MROH9: variants seen among roughly 807,000 people sequenced by gnomAD.
The protein encoded by MROH9 is maestro heat like repeat family member 9, also known as maestro heat-like repeat-containing protein family member 9.
In MROH9, 92 loss-of-function variants were observed where a neutral mutation model predicts 98.2. The observed-to-expected ratio is 0.94, with a 90% confidence interval of 0.79 to 1.11. MROH9 has a LOEUF of 1.11. Among genes scored for constraint, MROH9 ranks in the 50% most tolerant of loss-of-function variants. MROH9 has a pLI of 0.00. For synonymous variants in MROH9, 397 were observed against 368.9 expected (o/e 1.08, Z -0.87); for missense variants, 1,057 against 1,014.8 (o/e 1.04, Z -0.57).
At chr1:171,023,470 A>G (rs1043143965) in intron 17 of MROH9, among the ~76,000 whole-genome samples, 9 of 152,164 alleles carry the variant, frequency 5.9e-5, no homozygotes, top group Non-Finnish European at 8.8e-5. Context: ...CAAGTTATAC[A>G]TACTATTTCA....
intron 12 of MROH9, among the ~76,000 whole-genome samples, chr1:170,992,723 T>C (rs1254767388): frequency 6.6e-6 from 1 of 152,170 alleles, no homozygotes; most frequent in Non-Finnish European, 1.5e-5. Flanking sequence ...TAGAGAGTTC[T>C]AGACTGAGAG....
chr1:170,986,623 ACT>A lies in MROH9; in HGVS notation c.797_798del (p.Ser266PhefsTer3), dbSNP rs745329125. On this transcript the variant is annotated frameshift_variant, in exon 10 of 22. Transcript: ENST00000367759. LOFTEE classifies it high-confidence loss of function. ...ACTTTGTGCAGAGTCTCCTGATGAA[ACT>A]CTCTTCACCTGATGATAAAATCGCA... is the stretch of plus-strand genomic sequence containing the variant. Reference protein sequence around the residue: ...TDFVQSLLMKLSSPDDKIASD... With the variant: ...TDFVQSLLMKXSSPDDKIASD... The A allele has an allele frequency of 1.9e-6, 3 of 1,612,730 alleles. No individual in the cohort carries two copies. Among genetic ancestry groups the A allele is most frequent in the Non-Finnish European group, 2.5e-6 (3 of 1,179,614 alleles).
intron 20 of MROH9, among the ~76,000 whole-genome samples, chr1:171,042,585 A>C (rs1167760248): frequency 1.3e-5 from 2 of 152,078 alleles, no homozygotes; most frequent in African/African-American, 4.8e-5. Context: ...TAGCAGCTGT[A>C]CTAATTTATG....
intron 15 of MROH9, among the ~76,000 whole-genome samples, chr1:171,007,858 G>A (rs772316371): frequency 6.6e-6 from 1 of 152,182 alleles, no homozygotes; most frequent in Non-Finnish European, 1.5e-5. Flanking sequence ...AGCCAAGTCT[G>A]CAGAGAGACC....
chr1:171,012,726 A>C (rs1652199484), intron 15 of MROH9, among the ~76,000 whole-genome samples: 1 of 151,930 alleles, frequency 6.6e-6, no homozygotes, highest in Non-Finnish European at 1.5e-5. Context: ...GATGGTCTCG[A>C]TCTTCTGACA....
At chr1:170,976,379 G>C (rs1411829310) in intron 8 of MROH9, among the ~76,000 whole-genome samples, 1 of 152,024 alleles carries the variant, frequency 6.6e-6, no homozygotes, top group Non-Finnish European at 1.5e-5. Flanking sequence ...GTCTAAAAAG[G>C]GTCTTATTTC....
intron 20 of MROH9, among the ~76,000 whole-genome samples, chr1:171,060,077 C>T (rs549062272): frequency 5.9e-5 from 9 of 151,532 alleles, no homozygotes; most frequent in African/African-American, 1.9e-4. Flanking sequence ...GTGACAGGTG[C>T]GCCAAAATCT....
At chr1:171,037,216 A>G (rs1032111292) in intron 20 of MROH9, among the ~76,000 whole-genome samples, 1 of 151,714 alleles carries the variant, frequency 6.6e-6, no homozygotes, top group Non-Finnish European at 1.5e-5. Flanking sequence ...GAAATAAAAA[A>G]TGAGGAAGAA....
At chr1:170,979,073 T>C (rs908316249) in intron 8 of MROH9, among the ~76,000 whole-genome samples, 4 of 152,240 alleles carry the variant, frequency 2.6e-5, no homozygotes, top group African/African-American at 9.6e-5. Flanking sequence ...AATTAAGATA[T>C]GTATATTTTT....
chr1:171,062,070 C>T lies in MROH9; in HGVS notation c.2282-62C>T, dbSNP rs1241522743. On this transcript the variant is annotated intron_variant, in intron 20 of 21. Coordinates refer to ENST00000367759, the MANE Select transcript of MROH9 (RefSeq NM_001163629.2). ...AAAAGCAAAGAAGGTAGCCAGATAA[C>T]ATCAGAAAATGTATTTTCATAATGC... The T allele has an allele frequency of 1.6e-5, 17 of 1,055,354 alleles. No individual in the cohort carries two copies. The East Asian group carries it at 2.1e-4, about 13-fold the overall frequency. The allele number at this position is 1,055,354 out of a possible 1,614,324, so 65.4% of individuals were successfully genotyped here.
chr1:170,979,642 T>A (rs1650850755), intron 8 of MROH9, among the ~76,000 whole-genome samples: 1 of 152,080 alleles, frequency 6.6e-6, no homozygotes, highest in South Asian at 2.1e-4. Context: ...TAAATGAAAA[T>A]AAATGATAAA....
intron 10 of MROH9, among the ~76,000 whole-genome samples, chr1:170,989,077 A>T (rs1651255119): frequency 6.6e-6 from 1 of 152,186 alleles, no homozygotes; most frequent in Non-Finnish European, 1.5e-5. Flanking sequence ...AGATAAATGA[A>T]CTGTATATGA....
intron 8 of MROH9, 46 bp from the exon 9 acceptor site, chr1:170,983,376 C>T: frequency 7.4e-7 from 1 of 1,351,244 alleles, no homozygotes; most frequent in Admixed American, 1.8e-5. Context: ...ATAGAACAAA[C>T]AAGTGATCAA....
chr1:170,962,107 A>G (rs1650037292), intron 6 of MROH9, 131 bp downstream of exon 6: 3 of 560,712 alleles, frequency 5.4e-6, no homozygotes, highest in Non-Finnish European at 9.4e-6. Flanking sequence ...TCTTTACCAC[A>G]GAAGAGTGAA....
intron 3 of MROH9, among the ~76,000 whole-genome samples, chr1:170,948,877 A>G (rs975461851): frequency 3.3e-5 from 5 of 152,052 alleles, no homozygotes; most frequent in African/African-American, 1.2e-4. Flanking sequence ...AAAAAGCAAC[A>G]TACGTTTGTA....
intron 3 of MROH9, among the ~76,000 whole-genome samples, chr1:170,950,305 C>G (rs1045832151): frequency 6.6e-6 from 1 of 151,946 alleles, no homozygotes; most frequent in Non-Finnish European, 1.5e-5. Context: ...AATTATGAGA[C>G]TGTATTAATA....
At chr1:170,938,053 T>C (rs1648969416) in intron 1 of MROH9, among the ~76,000 whole-genome samples, 1 of 152,174 alleles carries the variant, frequency 6.6e-6, no homozygotes, top group Non-Finnish European at 1.5e-5. Context: ...GCAGACATAC[T>C]CTTCCTTGCC....
chr1:170,992,799 A>AT (rs1440164345), intron 12 of MROH9, among the ~76,000 whole-genome samples: 1 of 152,142 alleles, frequency 6.6e-6, no homozygotes, highest in East Asian at 1.9e-4. Flanking sequence ...AAGCCAAAGA[A>AT]TCTGAGTGAA....
chr1:171,044,912 T>G (rs990783109), intron 20 of MROH9, among the ~76,000 whole-genome samples: 6 of 150,948 alleles, frequency 4.0e-5, no homozygotes, highest in African/African-American at 1.5e-4. Context: ...GCCAACTTTT[T>G]GTTTCACTTA....
Sources: allele counts gnomAD v4.1 joint callset (sites outside exome capture counted in the v4.1 genomes callset), GRCh38; gene constraint gnomAD v4.1.1; transcripts MANE v1.5; gene names NCBI Gene and HGNC (gene_info 2026-07-23, HGNC 2026-07-21).